Variants in PTGER3 observed in about 807,000 individuals in gnomAD.
PTGER3 encodes the protein prostaglandin E2 receptor EP3 subtype.
In PTGER3, 22 loss-of-function variants were observed where a neutral mutation model predicts 34.7. The ratio of observed to expected loss-of-function variants is 0.63; its 90% CI spans 0.45 to 0.91. The LOEUF is 0.91. Ranked by LOEUF, PTGER3 falls within the 40% of genes least tolerant of loss-of-function variation. The probability of loss-of-function intolerance (pLI) is 0.00; values close to 1 mark genes in which losing one functional copy is unlikely to be tolerated. For synonymous variants in PTGER3, 241 were observed against 230.1 expected (o/e 1.05, Z -0.43); for missense variants, 468 against 519.4 (o/e 0.90, Z 0.96).
intron 1 of PTGER3, among the ~76,000 whole-genome samples, chr1:71,014,988 C>T (rs1037904536): frequency 3.3e-5 from 5 of 152,200 alleles, no homozygotes; most frequent in African/African-American, 9.7e-5. Context: ...CTATTCTTTC[C>T]AGTTTTGTCT....
intron 2 of PTGER3, chr1:71,010,593 G>GAC: frequency 1.0e-6 from 1 of 984,648 alleles, no homozygotes; most frequent in Non-Finnish European, 1.2e-6. Flanking sequence ...TTTATTATGT[G>GAC]ATTTCAGTGC....
intron 4 of PTGER3, among the ~76,000 whole-genome samples, chr1:70,882,976 G>T (rs1646424286): frequency 6.6e-6 from 1 of 152,112 alleles, no homozygotes; most frequent in Non-Finnish European, 1.5e-5. Flanking sequence ...TATCATCTTG[G>T]ACCCTCTAAT....
intron 1 of PTGER3, among the ~76,000 whole-genome samples, chr1:71,024,372 A>G (rs1450963342): frequency 6.6e-6 from 1 of 152,142 alleles, no homozygotes; most frequent in Non-Finnish European, 1.5e-5. Context: ...ATGGATTCCC[A>G]TAATTCTCTA....
At chr1:70,854,847 G>A (rs961512255) in intron 4 of PTGER3, among the ~76,000 whole-genome samples, 7 of 152,160 alleles carry the variant, frequency 4.6e-5, no homozygotes, top group Non-Finnish European at 1.0e-4. Flanking sequence ...TTGGAATGTG[G>A]AGAAATTGCA....
intron 2 of PTGER3, chr1:71,009,694 T>C: frequency 1.0e-6 from 1 of 985,256 alleles, no homozygotes; most frequent in East Asian, 1.1e-4. Flanking sequence ...TGGCCTTTAA[T>C]TGTCTTTTAA....
At chr1:70,930,018 A>G (rs925783966) in intron 4 of PTGER3, among the ~76,000 whole-genome samples, 2 of 152,192 alleles carry the variant, frequency 1.3e-5, no homozygotes, top group Non-Finnish European at 2.9e-5. Flanking sequence ...TTACATTTAT[A>G]TCAAAAGATG....
chr1:70,855,853 C>A (rs1158367797), intron 4 of PTGER3, among the ~76,000 whole-genome samples: 4 of 152,086 alleles, frequency 2.6e-5, no homozygotes, highest in Non-Finnish European at 5.9e-5. Flanking sequence ...ATTAACTAGT[C>A]CAGTGAGACC....
At chr1:71,027,578 A>C (rs1175438041) in intron 1 of PTGER3, among the ~76,000 whole-genome samples, 1 of 152,220 alleles carries the variant, frequency 6.6e-6, no homozygotes, top group African/African-American at 2.4e-5. Context: ...GTCTGTTTTC[A>C]TCTATTTCTC....
intron 1 of PTGER3, among the ~76,000 whole-genome samples, chr1:71,031,231 A>C (rs928511124): frequency 3.5e-5 from 5 of 142,770 alleles, no homozygotes; most frequent in African/African-American, 1.3e-4. Context: ...TTCCCAACAG[A>C]TAGGTGGCAG....
At chr1:70,981,289 TCTC>T (rs1654236244) in intron 2 of PTGER3, among the ~76,000 whole-genome samples, 1 of 93,090 alleles carries the variant, frequency 1.1e-5, no homozygotes, top group African/African-American at 4.0e-5. Context: ...TTTCTCTCTC[TCTC>T]TTCCTTCCTT....
At chr1:71,039,455 A>G (rs1318464387) in intron 1 of PTGER3, among the ~76,000 whole-genome samples, 1 of 151,954 alleles carries the variant, frequency 6.6e-6, no homozygotes, top group East Asian at 1.9e-4. Flanking sequence ...TAGAGACCAT[A>G]CTGGCTAATG....
intron 4 of PTGER3, among the ~76,000 whole-genome samples, chr1:70,877,748 C>T (rs980753410): frequency 6.6e-6 from 1 of 152,004 alleles, no homozygotes; most frequent in African/African-American, 2.4e-5. Flanking sequence ...TGTGGTAAAT[C>T]ACGTTTTAAT....
Position 70,971,272 on chromosome 1 carries a change from T to C in PTGER3, c.*458A>G. 2.0e-6 allele frequency: 2 copies of C among 986,050 alleles called. No homozygotes were observed. Among genetic ancestry groups the C allele is most frequent in the Non-Finnish European group, 2.4e-6 (2 of 830,344 alleles). The allele number at this position is 986,050 out of a possible 1,614,324, so 61.1% of individuals were successfully genotyped here. ...TTTATATGTCGTTAAGTTCATATCC[T>C]ATTAATTGAATTATCACTCTCAATA... On this transcript the variant is annotated 3_prime_UTR_variant, in exon 4 of 4. Coordinates refer to ENST00000306666, the MANE Select transcript of PTGER3 (RefSeq NM_198719.2).
intron 2 of PTGER3, among the ~76,000 whole-genome samples, chr1:71,003,626 A>G (rs986571529): frequency 6.6e-6 from 1 of 152,182 alleles, no homozygotes; most frequent in African/African-American, 2.4e-5. Context: ...TTATCATCAC[A>G]TGATTGCAAC....
intron 4 of PTGER3, among the ~76,000 whole-genome samples, chr1:70,936,728 C>A (rs1649268547): frequency 6.6e-6 from 1 of 152,152 alleles, no homozygotes; most frequent in Non-Finnish European, 1.5e-5. Context: ...GTGTTCTTCA[C>A]TGTAAATTCA....
chr1:70,880,956 G>A (rs143895573), intron 4 of PTGER3, among the ~76,000 whole-genome samples: 31 of 152,130 alleles, frequency 2.0e-4, no homozygotes, highest in African/African-American at 7.0e-4. Flanking sequence ...GGCCTCTCTA[G>A]TGAGATTGGG....
At chr1:70,870,626 A>C (rs1646142499) in intron 4 of PTGER3, among the ~76,000 whole-genome samples, 1 of 152,184 alleles carries the variant, frequency 6.6e-6, no homozygotes, top group Non-Finnish European at 1.5e-5. Context: ...CTGTTAGAAG[A>C]ACTCAGACCA....
chr1:71,005,033 A>G (rs150462662), intron 2 of PTGER3, among the ~76,000 whole-genome samples: 42 of 152,290 alleles, frequency 2.8e-4, no homozygotes, highest in African/African-American at 9.9e-4. Flanking sequence ...GAGGGCAATT[A>G]TGTCCCCCAT....
At position 71,046,734 on chromosome 1, in the gene PTGER3, T is replaced by G. The variant is rs1440178522; in HGVS notation, c.844A>C (p.Ile282Leu). ...ACGCACATGATCCCCATAAGCTGAA[T>G]GGCCGTCTCGGTCGTGATGCGGCCC... ...QWGRITTETA[I>L]QLMGIMCVLS... The change falls in exon 1 of 4, where the codon ATT (isoleucine) becomes CTT (leucine). Residue 282 changes from isoleucine to leucine, a missense_variant. Coordinates refer to ENST00000306666, the MANE Select transcript of PTGER3 (RefSeq NM_198719.2). The G allele has an allele frequency of 1.2e-5, 19 of 1,610,384 alleles. No individual in the cohort carries two copies. Among genetic ancestry groups the G allele is most frequent in the Non-Finnish European group, 1.6e-5 (19 of 1,178,226 alleles).
Sources: allele counts gnomAD v4.1 joint callset (sites outside exome capture counted in the v4.1 genomes callset), GRCh38; gene constraint gnomAD v4.1.1; transcripts MANE v1.5; gene names NCBI Gene and HGNC (gene_info 2026-07-23, HGNC 2026-07-21).